Variants in TLN2 observed in about 807,000 individuals in gnomAD.
The protein encoded by TLN2 is talin 2.
TLN2 carries 118 observed loss-of-function variants against 294.7 expected under a neutral mutation model. The observed-to-expected ratio is 0.40, with a 90% confidence interval of 0.34 to 0.47. TLN2 has a LOEUF of 0.47. Among genes scored for constraint, TLN2 ranks in the 20% least tolerant of loss-of-function variants. The pLI is 0.84. For synonymous variants in TLN2, 1,431 were observed against 1,304.5 expected (o/e 1.10, Z -2.09); for missense variants, 3,083 against 3,282.2 (o/e 0.94, Z 1.48).
intron 1 of TLN2, among the ~76,000 whole-genome samples, chr15:62,462,198 C>T (rs1486947064): frequency 6.6e-6 from 1 of 152,140 alleles, no homozygotes; most frequent in Admixed American, 6.6e-5. Flanking sequence ...TGCGGCACTG[C>T]GCTGCAGCCT....
intron 1 of TLN2, among the ~76,000 whole-genome samples, chr15:62,552,104 C>T (rs1353237303): frequency 1.3e-5 from 2 of 152,166 alleles, no homozygotes; most frequent in African/African-American, 4.8e-5. Context: ...TTGCAGCATC[C>T]TGGTTGCTAT....
At chr15:62,496,596 A>C (rs998618006) in intron 1 of TLN2, among the ~76,000 whole-genome samples, 2 of 152,132 alleles carry the variant, frequency 1.3e-5, no homozygotes, top group African/African-American at 2.4e-5. Context: ...CCACTGTTTA[A>C]AGGATGGAGA....
chr15:62,761,915 C>CT (rs2062700872), intron 38 of TLN2, 94 bp downstream of exon 38: 2 of 1,523,110 alleles, frequency 1.3e-6, no homozygotes, highest in African/African-American at 2.7e-5. Flanking sequence ...ACAGCTCTCT[C>CT]TGTCAACATG....
intron 1 of TLN2, among the ~76,000 whole-genome samples, chr15:62,408,509 A>G (rs1161026481): frequency 6.6e-6 from 1 of 152,234 alleles, no homozygotes; most frequent in Non-Finnish European, 1.5e-5. Context: ...TTTTGATACT[A>G]CAATGACCGT....
chr15:62,418,909 A>G (rs556864766), intron 1 of TLN2, among the ~76,000 whole-genome samples: 1 of 152,352 alleles, frequency 6.6e-6, no homozygotes, highest in African/African-American at 2.4e-5. Flanking sequence ...CAGTTGCTTC[A>G]GGCCATCTGG....
chr15:62,482,644 A>C (rs913816730), intron 1 of TLN2, among the ~76,000 whole-genome samples: 2 of 151,306 alleles, frequency 1.3e-5, no homozygotes, highest in African/African-American at 4.9e-5. Context: ...TTACATCTCC[A>C]ACCATGAGGG....
chr15:62,665,437 A>C (rs995864645), intron 9 of TLN2, among the ~76,000 whole-genome samples: 1 of 152,192 alleles, frequency 6.6e-6, no homozygotes, highest in African/African-American at 2.4e-5. Context: ...GATATTTAAC[A>C]CATGGCAAAG....
chr15:62,454,828 C>G (rs911423504), intron 1 of TLN2, among the ~76,000 whole-genome samples: 12 of 152,154 alleles, frequency 7.9e-5, no homozygotes, highest in Non-Finnish European at 1.2e-4. Context: ...AGGGACTGAA[C>G]TCTTTCGGAT....
chr15:62,771,145 G>C lies in TLN2; in HGVS notation c.5367+11G>C. 1 of 1,596,640 alleles carries C rather than the reference G, an allele frequency of 6.3e-7. No homozygotes were observed. Among genetic ancestry groups the C allele is most frequent in the Non-Finnish European group, 8.6e-7 (1 of 1,168,816 alleles). On this transcript the variant is annotated intron_variant, in intron 42 of 58. Transcript: ENST00000636159. ...GGCGGAAACCCCAAGGTATGGTCCAGGATATCGGGGACTCACTTAGGACCA... is the reference window on the plus strand; with the variant it reads ...GGCGGAAACCCCAAGGTATGGTCCACGATATCGGGGACTCACTTAGGACCA...
chr15:62,476,115 C>T (rs1422371121), intron 1 of TLN2, among the ~76,000 whole-genome samples: 3 of 152,152 alleles, frequency 2.0e-5, no homozygotes, highest in African/African-American at 7.2e-5. Flanking sequence ...TCTGGAGCTG[C>T]TGCTTGTGGG....
intron 28 of TLN2, among the ~76,000 whole-genome samples, chr15:62,732,379 A>G (rs936030645): frequency 6.6e-6 from 1 of 152,344 alleles, no homozygotes; most frequent in South Asian, 2.1e-4. Context: ...CACTGCATGT[A>G]TGATGCCTTA....
At chr15:62,546,664 A>G (rs2042010114) in intron 1 of TLN2, among the ~76,000 whole-genome samples, 1 of 152,204 alleles carries the variant, frequency 6.6e-6, no homozygotes, top group Non-Finnish European at 1.5e-5. Context: ...TCATGAGGCC[A>G]TCTTGGCACC....
chr15:62,699,018 G>A, intron 16 of TLN2, 151 bp downstream of exon 16: 1 of 737,276 alleles, frequency 1.4e-6, no homozygotes, highest in Non-Finnish European at 2.2e-6. Context: ...TTGCCTCTCA[G>A]TTGCACCCAT....
intron 2 of TLN2, among the ~76,000 whole-genome samples, chr15:62,615,905 A>G (rs911013825): frequency 2.6e-5 from 4 of 152,116 alleles, no homozygotes; most frequent in Non-Finnish European, 5.9e-5. Flanking sequence ...TGCTAAGATG[A>G]TAGAGAATAT....
Position 62,836,090 on chromosome 15 carries a change from C to A in TLN2, c.7374+17C>A. ...CGGCTACAGGTAATGGTCACTGATG[C>A]TGGTGGGAAAATACTCCTGTTGGAG... On this transcript the variant is annotated intron_variant, in intron 57 of 58. Coordinates refer to ENST00000636159, the MANE Select transcript of TLN2 (RefSeq NM_015059.3). 2 of 1,597,996 alleles carry A rather than the reference C, an allele frequency of 1.3e-6. No individual in the cohort carries two copies. Among genetic ancestry groups the A allele is most frequent in the Non-Finnish European group, 1.7e-6 (2 of 1,172,842 alleles).
At chr15:62,463,427 TA>T (rs1313092958) in intron 1 of TLN2, among the ~76,000 whole-genome samples, 1 of 152,188 alleles carries the variant, frequency 6.6e-6, no homozygotes, top group Non-Finnish European at 1.5e-5. Context: ...GTAGAAAGCA[TA>T]AAAGTTTGAT....
intron 1 of TLN2, among the ~76,000 whole-genome samples, chr15:62,479,416 C>A (rs917216703): frequency 2.0e-5 from 3 of 152,318 alleles, no homozygotes; most frequent in East Asian, 3.9e-4. Context: ...CTTCCACTTG[C>A]GTCTGGCTGA....
At chr15:62,666,961 A>G (rs1567302389) in intron 9 of TLN2, among the ~76,000 whole-genome samples, 1 of 152,036 alleles carries the variant, frequency 6.6e-6, no homozygotes, top group African/African-American at 2.4e-5. Context: ...GAACACTGGC[A>G]TTTCTTTTTC....
intron 1 of TLN2, among the ~76,000 whole-genome samples, chr15:62,393,535 C>T (rs1462660549): frequency 3.9e-5 from 6 of 152,144 alleles, no homozygotes; most frequent in Non-Finnish European, 1.5e-5. Flanking sequence ...ACCCCTCACT[C>T]CCAGAACATC....
Sources: gnomAD v4.1 joint callset for allele counts (sites outside exome capture counted in the v4.1 genomes callset) on GRCh38, gnomAD v4.1.1 for gene constraint, MANE v1.5 for transcripts, NCBI Gene and HGNC (gene_info 2026-07-23, HGNC 2026-07-21) for gene names.